CHLSN: variants seen among roughly 807,000 people sequenced by gnomAD.
The protein encoded by CHLSN is cholesin.
At chr7:1,096,490 G>T in the CHLSN span, among the ~76,000 whole-genome samples, 1 of 152,202 alleles carries the variant, frequency 6.6e-6, no homozygotes, top group Admixed American at 6.5e-5. The surrounding 1 kb of genome is among the most constrained non-coding windows in gnomAD (Gnocchi z 4.6). Context: ...CAGGGACTCC[G>T]TGGGTGCCGC....
the CHLSN span, among the ~76,000 whole-genome samples, chr7:1,072,076 G>C: frequency 2.0e-5 from 3 of 152,180 alleles, no homozygotes; most frequent in Non-Finnish European, 4.4e-5. Context: ...CCCTGGGCAA[G>C]GCATCCATAG....
the CHLSN span, among the ~76,000 whole-genome samples, chr7:1,112,684 G>C: frequency 1.3e-5 from 2 of 150,938 alleles, no homozygotes; most frequent in African/African-American, 2.4e-5. Context: ...TTCGAAACGG[G>C]AGTGCTGTGA....
chr7:1,062,122 C>T, the CHLSN span, among the ~76,000 whole-genome samples: 1 of 152,200 alleles, frequency 6.6e-6, no homozygotes, highest in Non-Finnish European at 1.5e-5. Flanking sequence ...GTTCAAAAAT[C>T]ATTCATCTTA....
chr7:1,016,978 A>AGCGCACAGCAGCACACG, the CHLSN span, among the ~76,000 whole-genome samples: 1 of 64,528 alleles, frequency 1.5e-5, no homozygotes, highest in Non-Finnish European at 3.0e-5. Flanking sequence ...GCCAGCACAC[A>AGCGCACAGCAGCACACG]CCAGCGCACA....
the CHLSN span, among the ~76,000 whole-genome samples, chr7:1,107,899 A>T: frequency 7.2e-6 from 1 of 139,218 alleles, no homozygotes; most frequent in Non-Finnish European, 1.5e-5. Flanking sequence ...GCACCCCGGG[A>T]GGAAGCAGAG....
the CHLSN span, among the ~76,000 whole-genome samples, chr7:1,117,309 C>T: frequency 8.7e-4 from 50 of 57,194 alleles, 2 homozygotes; most frequent in Non-Finnish European, 1.0e-3. Context: ...ATCACTACAG[C>T]TCTACAGACC....
the CHLSN span, among the ~76,000 whole-genome samples, chr7:980,636 G>A: frequency 0.16 from 24,181 of 150,930 alleles, 2,351 homozygotes; most frequent in African/African-American, 0.28. Context: ...CAAGCAACAC[G>A]TACAGGCAGC....
chr7:1,016,442 CCAG>C, the CHLSN span, among the ~76,000 whole-genome samples: 1 of 109,240 alleles, frequency 9.2e-6, no homozygotes, highest in Non-Finnish European at 1.8e-5. Flanking sequence ...GCAGCGCACG[CCAG>C]CACACAGCAG....
At chr7:1,028,389 C>CGCGGCTGGAACCAGATCCAG in the CHLSN span, 1 of 987,532 alleles carries the variant, frequency 1.0e-6, no homozygotes, top group African/African-American at 1.7e-5. Flanking sequence ...GCCGGCCCGG[C>CGCGGCTGGAACCAGATCCAG]GCGGCTGGAA....
At chr7:1,068,715 C>G in the CHLSN span, among the ~76,000 whole-genome samples, 38 of 152,160 alleles carry the variant, frequency 2.5e-4, no homozygotes, top group Non-Finnish European at 4.9e-4. Flanking sequence ...TTTTACTCGT[C>G]TGCAACATAG....
the CHLSN span, among the ~76,000 whole-genome samples, chr7:1,080,691 C>T: frequency 6.6e-6 from 1 of 152,260 alleles, no homozygotes; most frequent in Non-Finnish European, 1.5e-5. Flanking sequence ...CTGAAAACTA[C>T]AGGTTCTCGG....
chr7:1,070,277 C>G, the CHLSN span, among the ~76,000 whole-genome samples: 1 of 145,936 alleles, frequency 6.9e-6, no homozygotes, highest in Non-Finnish European at 1.5e-5. Context: ...AGCCCCCCGC[C>G]CGGCCAGCCG....
the CHLSN span, among the ~76,000 whole-genome samples, chr7:1,136,349 T>TATATATAAACATATATAA: frequency 8.4e-5 from 4 of 47,458 alleles, no homozygotes; most frequent in South Asian, 4.8e-4. Context: ...AACATATAAA[T>TATATATAAACATATATAA]ATATATAAAC....
chr7:996,787 C>T, the CHLSN span, among the ~76,000 whole-genome samples: 1 of 152,238 alleles, frequency 6.6e-6, no homozygotes, highest in Non-Finnish European at 1.5e-5. Flanking sequence ...AGTGTGTTTC[C>T]TGGCAGGGTC....
At chr7:1,040,546 C>G in the CHLSN span, among the ~76,000 whole-genome samples, 16,278 of 152,074 alleles carry the variant, frequency 0.11, 1,155 homozygotes, top group Middle Eastern at 0.21. Flanking sequence ...AAAAAATGAA[C>G]TCAAATAGAT....
At chr7:1,093,338 T>C in the CHLSN span, 4 of 422,044 alleles carry the variant, frequency 9.5e-6, no homozygotes, top group Middle Eastern at 3.7e-4. Flanking sequence ...GACGTCGCGG[T>C]GTGTCCTCTG....
the CHLSN span, among the ~76,000 whole-genome samples, chr7:983,949 C>T: frequency 6.6e-6 from 1 of 152,304 alleles, no homozygotes; most frequent in African/African-American, 2.4e-5. Context: ...CAGGGCTGAC[C>T]AGTCAGGCCC....
chr7:1,027,370 C>T, the CHLSN span, among the ~76,000 whole-genome samples: 1 of 152,252 alleles, frequency 6.6e-6, no homozygotes, highest in South Asian at 2.1e-4. Flanking sequence ...CGTGTCCGTG[C>T]GGACGCCTGG....
At chr7:1,016,515 A>G in the CHLSN span, among the ~76,000 whole-genome samples, 2 of 146,836 alleles carry the variant, frequency 1.4e-5, no homozygotes, top group African/African-American at 2.5e-5. Flanking sequence ...ACAGCAGCGC[A>G]CAGCAGCACA....
Sources: allele counts gnomAD v4.1 joint callset (sites outside exome capture counted in the v4.1 genomes callset), GRCh38; gene constraint gnomAD v4.1.1; non-coding constraint Gnocchi (gnomAD v3.1); transcripts MANE v1.5; gene names NCBI Gene and HGNC (gene_info 2026-07-23, HGNC 2026-07-21).